Variants in MIA3 observed in about 807,000 individuals in gnomAD.
The protein encoded by MIA3 is MIA SH3 domain ER export factor 3.
In MIA3, 90 loss-of-function variants were observed where a neutral mutation model predicts 192.4. The ratio of observed to expected loss-of-function variants is 0.47; its 90% CI spans 0.39 to 0.56. MIA3 has a LOEUF of 0.56. Ranked by LOEUF, MIA3 falls within the 20% of genes least tolerant of loss-of-function variation. The pLI, the probability that MIA3 is intolerant of heterozygous loss-of-function variation, is 0.00. For synonymous variants in MIA3, 740 were observed against 792.8 expected, an observed-to-expected ratio of 0.93 and a Z score of 1.12; for missense variants, 2,123 against 2,269.4, an observed-to-expected ratio of 0.94 and a Z score of 1.31.
chr1:222,654,698 T>C lies in MIA3; in HGVS notation c.4512T>C (p.Ala1504=), dbSNP rs1425722219. 1.9e-6 allele frequency: 3 copies of C among 1,614,126 alleles called. No individual in the cohort carries two copies. Among genetic ancestry groups the C allele is most frequent in the South Asian group, 1.1e-5 (1 of 91,082 alleles). The change falls in exon 18 of 28, where the codon GCT becomes GCC. Residue 1504 remains alanine, a synonymous_variant. Coordinates refer to ENST00000344922, the MANE Select transcript of MIA3 (RefSeq NM_198551.4). The part of the protein sequence containing the change: ...KLEDDRNSLQ[A]AKAGLEDECK... ...AAGATGACCGCAACTCACTACAAGC[T>C]GCCAAAGCTGGACTGGAAGATGAAT... is the stretch of plus-strand genomic sequence containing the variant.
At chr1:222,624,879 T>C (rs1487152067) in intron 3 of MIA3, 25 bp downstream of exon 3, 2 of 1,403,784 alleles carry the variant, frequency 1.4e-6, no homozygotes, top group Admixed American at 3.5e-5. Context: ...TCTGTCTTGT[T>C]CTCAGTTATA....
chr1:222,662,603 C>A, intron 26 of MIA3: 1 of 751,202 alleles, frequency 1.3e-6, no homozygotes, highest in Non-Finnish European at 1.8e-6. Context: ...TTATCCTTGA[C>A]TTGGGAGTGT....
chr1:222,621,074 T>G (rs1181773896), intron 1 of MIA3, 85 bp from the exon 2 acceptor site: 1 of 1,175,188 alleles, frequency 8.5e-7, no homozygotes, highest in Non-Finnish European at 1.2e-6. Context: ...ATAGTGGGAT[T>G]CTTATATTTC....
At chr1:222,641,420 C>A in intron 6 of MIA3, 1 of 478,106 alleles carries the variant, frequency 2.1e-6, no homozygotes, top group South Asian at 1.6e-5. Flanking sequence ...TTCTTCAGGT[C>A]TTAGCAGTAG....
chr1:222,625,060 A>C (rs184756707), intron 3 of MIA3, among the ~76,000 whole-genome samples: 19 of 151,404 alleles, frequency 1.3e-4, no homozygotes, highest in African/African-American at 3.6e-4. Flanking sequence ...CCCAGGCTGG[A>C]GTGGAGTGGC....
chr1:222,629,644 A>G lies in MIA3; in HGVS notation c.2424A>G (p.Thr808=), dbSNP rs1357255614. Residue 808 remains threonine (T), a synonymous_variant, in exon 4 of 28, where the codon ACA becomes ACG. Coordinates refer to ENST00000344922, the MANE Select transcript of MIA3 (RefSeq NM_198551.4). ...GVNTGGREPN[T]MVEKERPLAD... is the part of the protein sequence containing the mutation. ...ACACAGGAGGCAGGGAACCAAATAC[A>G]ATGGTGGAAAAAGAACGCCCTCTGG... is the stretch of plus-strand genomic sequence containing the variant. 6.2e-7 allele frequency: 1 copy of G among 1,614,186 alleles called. No homozygotes were observed. Among genetic ancestry groups the G allele is most frequent in the South Asian group, 1.1e-5 (1 of 91,084 alleles).
chr1:222,647,962 G>C (rs1231895198), intron 7 of MIA3: 1 of 350,462 alleles, frequency 2.9e-6, no homozygotes, highest in Non-Finnish European at 6.1e-6. Flanking sequence ...TATGTAAACA[G>C]TATATTTACT....
chr1:222,652,044 C>T lies in MIA3; in HGVS notation c.3977C>T (p.Ser1326Leu). 1 of 1,558,264 alleles carries T rather than the reference C, an allele frequency of 6.4e-7. No homozygotes were observed. The highest frequency in any genetic ancestry group is 8.9e-7 in the Non-Finnish European group (1 of 1,129,392). The change falls in exon 12 of 28, where the codon TCA (serine) becomes TTA (leucine). Residue 1326 changes from serine (S) to leucine (L), a missense_variant. This residue lies in a region of MIA3 where 762 missense variants were observed against 856.4 expected (regional missense o/e 0.89). Coordinates refer to ENST00000344922, the MANE Select transcript of MIA3 (RefSeq NM_198551.4). ...DVISMNASEF[S>L]EVQIALNEAK... The stretch of plus-strand genomic sequence containing the variant: ...ATTTCAATGAATGCCTCAGAATTTT[C>T]AGAGGTAAAGCTGACTGTAATTCCT...
chr1:222,620,237 T>C (rs1260664528), intron 1 of MIA3, among the ~76,000 whole-genome samples: 1 of 152,222 alleles, frequency 6.6e-6, no homozygotes, highest in Non-Finnish European at 1.5e-5. Context: ...CTTCTTTGTC[T>C]CTGCTATTTA....
intron 4 of MIA3, among the ~76,000 whole-genome samples, chr1:222,631,267 A>G (rs1662388558): frequency 6.6e-6 from 1 of 152,032 alleles, no homozygotes; most frequent in South Asian, 2.1e-4. Context: ...GACTACAGGC[A>G]TGCATCACTG....
intron 4 of MIA3, 25 bp from the exon 5 acceptor site, chr1:222,632,140 G>T (rs775317696): frequency 6.2e-7 from 1 of 1,610,256 alleles, no homozygotes; most frequent in Admixed American, 1.7e-5. Flanking sequence ...AGCTGTGCTA[G>T]CCCAGTGTAT....
At chr1:222,664,524 C>T (rs1205130980) in intron 27 of MIA3, among the ~76,000 whole-genome samples, 1 of 152,168 alleles carries the variant, frequency 6.6e-6, no homozygotes. Context: ...AGCTTCTAAT[C>T]ACCCATAATG....
intron 3 of MIA3, among the ~76,000 whole-genome samples, chr1:222,626,047 C>A (rs767899155): frequency 1.3e-5 from 2 of 152,168 alleles, no homozygotes; most frequent in Non-Finnish European, 2.9e-5. Flanking sequence ...ATAAAAAACA[C>A]CATGCCCAGC....
chr1:222,657,086 T>C (rs567375681), intron 18 of MIA3, among the ~76,000 whole-genome samples: 17 of 152,296 alleles, frequency 1.1e-4, no homozygotes, highest in African/African-American at 4.1e-4. Context: ...TGAACATTGT[T>C]TTTGAAAATT....
chr1:222,647,667 G>A (rs553991982), intron 7 of MIA3, among the ~76,000 whole-genome samples: 5 of 152,158 alleles, frequency 3.3e-5, no homozygotes, highest in Admixed American at 6.5e-5. Context: ...AAATTCTAAC[G>A]CCTTTTTCGT....
At chr1:222,658,083 G>C (rs1663827579) in intron 18 of MIA3, among the ~76,000 whole-genome samples, 1 of 152,170 alleles carries the variant, frequency 6.6e-6, no homozygotes, top group South Asian at 2.1e-4. Context: ...CCAATTTCCA[G>C]TACATAGCAC....
chr1:222,663,351 A>G (rs1489590226), intron 26 of MIA3, among the ~76,000 whole-genome samples: 1 of 152,118 alleles, frequency 6.6e-6, no homozygotes, highest in Non-Finnish European at 1.5e-5. Flanking sequence ...GAGTGTAGAG[A>G]CTACTTTGTT....
chr1:222,621,346 C>A (rs1277961193), intron 2 of MIA3, 54 bp downstream of exon 2: 7 of 1,530,072 alleles, frequency 4.6e-6, no homozygotes, highest in East Asian at 2.2e-5. Flanking sequence ...GCTTCTTTAG[C>A]ACTGTAGAGT....
At chr1:222,638,674 G>A (rs1040760370) in intron 6 of MIA3, among the ~76,000 whole-genome samples, 1 of 152,000 alleles carries the variant, frequency 6.6e-6, no homozygotes, top group Admixed American at 6.6e-5. Flanking sequence ...TCCAGCCTGG[G>A]TGACAGAATG....
Sources: allele counts gnomAD v4.1 joint callset (sites outside exome capture counted in the v4.1 genomes callset), GRCh38; gene constraint gnomAD v4.1.1; regional missense constraint gnomAD v4.1.1; transcripts MANE v1.5; gene names NCBI Gene and HGNC (gene_info 2026-07-23, HGNC 2026-07-21).